The following PMEPA1 variants were observed in gnomAD, a reference collection of about 807,000 sequenced individuals.
PMEPA1 encodes the protein protein TMEPAI.
A neutral mutation model predicts 23.0 loss-of-function variants in PMEPA1; 11 were observed. That is an observed-to-expected ratio of 0.48 (90% CI 0.30 to 0.79). The LOEUF (loss-of-function observed/expected upper bound fraction) is 0.79. PMEPA1 is among the 30% of genes least tolerant of loss of function. The probability of loss-of-function intolerance (pLI) is 0.06; values close to 1 mark genes in which losing one functional copy is unlikely to be tolerated. For synonymous variants in PMEPA1, 204 were observed against 166.4 expected, an observed-to-expected ratio of 1.23 and a Z score of -1.74; for missense variants, 377 against 390.9, an observed-to-expected ratio of 0.96 and a Z score of 0.30.
rs1259378522 is a variant in PMEPA1 at position 57,683,550 on chromosome 20, T to TGTGTGTGTGTGTGTGTGCGTGC, written c.110-23854_110-23853insGCACGCACACACACACACACAC. On this transcript the variant is annotated intron_variant, in intron 1 of 3. Transcript: ENST00000341744. The surrounding 1 kb of genome is among the most constrained non-coding windows in gnomAD (Gnocchi z 4.3). ...AACTCGGTGGTGGTGTTCTGGCCTG[T>TGTGTGTGTGTGTGTGTGCGTGC]GTGCGTGTGTGTGTGTGTGTGTGTG... Among the ~76,000 whole-genome samples the TGTGTGTGTGTGTGTGTGCGTGC allele has an allele frequency of 1.2e-5, 1 of 84,312 alleles. No individual in the cohort carries two copies. The highest frequency in any genetic ancestry group is 1.1e-4 in the Admixed American group (1 of 9,036). 55.3% of individuals were successfully genotyped at this position (84,312 alleles called of 152,430 possible). A position where few individuals can be genotyped will look rare whatever the true frequency, so the allele number is the denominator to read the frequency against.
intron 1 of PMEPA1, among the ~76,000 whole-genome samples, chr20:57,679,272 A>G (rs2071679156): frequency 6.6e-6 from 1 of 152,196 alleles, no homozygotes; most frequent in African/African-American, 2.4e-5. Flanking sequence ...CCTTTGTCTC[A>G]TTCAAGGGCA....
intron 1 of PMEPA1, among the ~76,000 whole-genome samples, chr20:57,687,478 T>C (rs1568979645): frequency 2.0e-5 from 3 of 152,192 alleles, no homozygotes; most frequent in Non-Finnish European, 2.9e-5. Flanking sequence ...CACTCCCTGG[T>C]CTGGCAACCA....
Position 57,652,547 on chromosome 20 carries a change from A to G in PMEPA1, c.370T>C (p.Phe124Leu), listed in dbSNP as rs554178177. 7.8e-6 allele frequency: 12 copies of G among 1,539,722 alleles called. No homozygotes were observed. The Admixed American group carries it at 1.2e-4, about 15-fold the overall frequency. The change falls in exon 4 of 4, where the codon TTC becomes CTC. Residue 124 changes from phenylalanine (F) to leucine (L), a missense_variant. Coordinates refer to ENST00000341744, the MANE Select transcript of PMEPA1 (RefSeq NM_020182.5). The surrounding 1 kb of genome is among the most constrained non-coding windows in gnomAD (Gnocchi z 6.1). The part of the protein sequence containing the change: ...RPTDRLAVPP[F>L]AQRERFHRFQ... ...CGGTGGAAGCGCTCCCGCTGGGCGA[A>G]GGGCGGCACGGCCAGGCGGTCGGTG...
chr20:57,671,587 T>C (rs1312729250), intron 1 of PMEPA1, among the ~76,000 whole-genome samples: 1 of 152,202 alleles, frequency 6.6e-6, no homozygotes, highest in Non-Finnish European at 1.5e-5. Flanking sequence ...TTCATATATA[T>C]ATATTGCATG....
chr20:57,687,999 T>G (rs1043862498), intron 1 of PMEPA1, among the ~76,000 whole-genome samples: 2 of 152,130 alleles, frequency 1.3e-5, no homozygotes, highest in Non-Finnish European at 2.9e-5. Context: ...TGTCTTTCCC[T>G]CTTCCCCTCT....
In PMEPA1 at chr20:57,653,103, G is replaced by A. The variant is rs1023028854; in HGVS notation, c.265-17C>T. On this transcript the variant is annotated splice_polypyrimidine_tract_variant and intron_variant, in intron 2 of 3. Transcript: ENST00000341744. ...GCATCCTTCCTGCACAGGAAGAAAC[G>A]TACAAGCAGGGTCAGTGGGGTGGGC... 6 of 1,571,322 alleles carry A rather than the reference G, an allele frequency of 3.8e-6. No individual in the cohort carries two copies. In the East Asian group the frequency reaches 9.3e-5, roughly 24 times the overall value.
intron 2 of PMEPA1, among the ~76,000 whole-genome samples, chr20:57,659,334 C>T (rs995869882): frequency 2.0e-5 from 3 of 152,238 alleles, no homozygotes; most frequent in East Asian, 1.9e-4. Context: ...TCATTCCCCA[C>T]GTTCCTCCAG....
At chr20:57,703,833 G>A (rs1328426514) in intron 1 of PMEPA1, among the ~76,000 whole-genome samples, 2 of 152,032 alleles carry the variant, frequency 1.3e-5, no homozygotes, top group African/African-American at 4.8e-5. Flanking sequence ...CACCATCATC[G>A]CTCACCTCTA....
rs1036210741 is a variant in PMEPA1, at chr20:57,655,705, T to C, written c.265-2619A>G. 6.6e-6 allele frequency among the ~76,000 whole-genome samples: 1 copy of C among 152,124 alleles called. No individual in the cohort carries two copies. The highest frequency in any genetic ancestry group is 2.4e-5 in the African/African-American group (1 of 41,408). On this transcript the variant is annotated intron_variant, in intron 2 of 3. Transcript: ENST00000341744. The surrounding 1 kb of genome is among the most constrained non-coding windows in gnomAD (Gnocchi z 4.2). ...CCTGCTCCCAGCAGCCTCCAACCAC[T>C]CCCAGACTCCCAGGGCTCGGGGTGG...
chr20:57,673,998 G>A (rs2071603303), intron 1 of PMEPA1, among the ~76,000 whole-genome samples: 1 of 152,158 alleles, frequency 6.6e-6, no homozygotes, highest in South Asian at 2.1e-4. Flanking sequence ...GGCCACTATT[G>A]GGTTGTTGCT....
At chr20:57,686,197 T>C (rs2071799244) in intron 1 of PMEPA1, among the ~76,000 whole-genome samples, 1 of 152,170 alleles carries the variant, frequency 6.6e-6, no homozygotes, top group African/African-American at 2.4e-5. Context: ...GTGGTTCTCC[T>C]AAATGGGGGA....
At chr20:57,672,835 A>G (rs1348944021) in intron 1 of PMEPA1, among the ~76,000 whole-genome samples, 2 of 152,092 alleles carry the variant, frequency 1.3e-5, no homozygotes, top group African/African-American at 4.8e-5. Context: ...CCTGGATCCA[A>G]CCCCCAGCTC....
At position 57,651,529 on chromosome 20, in the gene PMEPA1, C is replaced by CA. The variant is rs1424281767; in HGVS notation, c.*523dup. On this transcript the variant is annotated 3_prime_UTR_variant, in exon 4 of 4. Coordinates refer to ENST00000341744, the MANE Select transcript of PMEPA1 (RefSeq NM_020182.5). ...AATACACACTTTCTGACTTGGCACTCAAAAATTGCCATTTTTTTCCTCTTC... is the reference window on the plus strand; with the variant it reads ...AATACACACTTTCTGACTTGGCACTCAAAAAATTGCCATTTTTTTCCTCTTC... The CA allele has an allele frequency of 2.6e-5, 4 of 152,462 alleles. No individual in the cohort carries two copies. Among genetic ancestry groups the CA allele is most frequent in the Admixed American group, 2.0e-4 (3 of 15,258 alleles). 9.4% of individuals were successfully genotyped at this position (152,462 alleles called of 1,614,324 possible). A position where few individuals can be genotyped will look rare whatever the true frequency, so the allele number is the denominator to read the frequency against.
rs8122583 is a variant in PMEPA1 at position 57,703,591 on chromosome 20, T to C, written c.109+5883A>G. Among the ~76,000 whole-genome samples, 1,107 of 152,258 alleles carry C rather than the reference T, an allele frequency of 7.3e-3. 12 individuals are homozygous for C. Among genetic ancestry groups the C allele is most frequent in the African/African-American group, 0.024 (1,014 of 41,540 alleles). ...CCAGCAACGGGCATGCTGGGGTCGT[T>C]GCCAGCCAGGTCTGCGGTGGGCCTG... On this transcript the variant is annotated intron_variant, in intron 1 of 3. Transcript: ENST00000341744.
intron 1 of PMEPA1, among the ~76,000 whole-genome samples, chr20:57,702,261 C>T (rs1200827674): frequency 1.3e-5 from 2 of 152,154 alleles, no homozygotes; most frequent in Non-Finnish European, 2.9e-5. Flanking sequence ...CTAGTGATGT[C>T]CCCTATCAAG....
chr20:57,662,932 T>C (rs2071443686), intron 1 of PMEPA1, among the ~76,000 whole-genome samples: 1 of 151,854 alleles, frequency 6.6e-6, no homozygotes, highest in Admixed American at 6.5e-5. Context: ...GCAGGGGCAA[T>C]GGAGGAGGCC....
At chr20:57,680,787 G>A (rs1351846399) in intron 1 of PMEPA1, among the ~76,000 whole-genome samples, 2 of 152,198 alleles carry the variant, frequency 1.3e-5, no homozygotes, top group African/African-American at 4.8e-5. Flanking sequence ...TCTGTAGGCT[G>A]GAGTCGCAAC....
chr20:57,677,740 A>G (rs2071657631), intron 1 of PMEPA1, among the ~76,000 whole-genome samples: 1 of 152,202 alleles, frequency 6.6e-6, no homozygotes, highest in Non-Finnish European at 1.5e-5. Flanking sequence ...TGTTCACGGC[A>G]GCTTTACTTT....
chr20:57,710,065 G>A (rs2072152060), upstream of PMEPA1: 3 of 994,712 alleles, frequency 3.0e-6, no homozygotes, highest in East Asian at 9.5e-5. Context: ...GGCCGGGGAG[G>A]GGGCGCGCGC....
Sources: gnomAD v4.1 joint callset for allele counts (sites outside exome capture counted in the v4.1 genomes callset) on GRCh38, gnomAD v4.1.1 for gene constraint, Gnocchi (gnomAD v3.1) non-coding constraint, MANE v1.5 for transcripts, NCBI Gene and HGNC (gene_info 2026-07-23, HGNC 2026-07-21) for gene names.